Variants in SLC4A4 observed in about 807,000 individuals in gnomAD.
SLC4A4 encodes electrogenic sodium bicarbonate cotransporter 1.
A neutral mutation model predicts 111.5 loss-of-function variants in SLC4A4; 27 were observed. The observed-to-expected ratio is 0.24, with a 90% CI of 0.18 to 0.33. The LOEUF (loss-of-function observed/expected upper bound fraction) is 0.33. Among genes scored for constraint, SLC4A4 ranks in the 10% least tolerant of loss-of-function variants. SLC4A4 has a pLI of 1.00. For synonymous variants in SLC4A4, 443 were observed against 463.4 expected, an observed-to-expected ratio of 0.96 and a Z score of 0.57; for missense variants, 909 against 1,315.5, an observed-to-expected ratio of 0.69 and a Z score of 4.78.
intron 2 of SLC4A4, among the ~76,000 whole-genome samples, chr4:71,135,285 C>T (rs1322638047): frequency 7.0e-6 from 1 of 142,286 alleles, no homozygotes; most frequent in Non-Finnish European, 1.5e-5. Flanking sequence ...GTGGTAAGAA[C>T]ACAATCTACT....
chr4:71,327,912 A>G (rs995725957), intron 3 of SLC4A4, among the ~76,000 whole-genome samples: 1 of 151,960 alleles, frequency 6.6e-6, no homozygotes. Context: ...TGTGCTATCA[A>G]ATACTAGGCC....
chr4:71,552,385 A>C (rs531764511), intron 20 of SLC4A4, among the ~76,000 whole-genome samples: 12 of 151,846 alleles, frequency 7.9e-5, no homozygotes, highest in African/African-American at 2.4e-4. Context: ...ACATACACAC[A>C]CACACATACA....
chr4:71,184,750 C>A (rs542488919), upstream of SLC4A4, among the ~76,000 whole-genome samples: 1 of 152,036 alleles, frequency 6.6e-6, no homozygotes, highest in Non-Finnish European at 1.5e-5. Flanking sequence ...ATTGTTATCA[C>A]CCGGAAAAGC....
At chr4:71,122,264 G>A (rs1200770276) in intron 2 of SLC4A4, among the ~76,000 whole-genome samples, 1 of 141,708 alleles carries the variant, frequency 7.1e-6, no homozygotes, top group Non-Finnish European at 1.5e-5. Flanking sequence ...AGTGAGCCGA[G>A]ATCACGCCAC....
chr4:71,268,486 G>C (rs1553970844), intron 3 of SLC4A4, among the ~76,000 whole-genome samples: 2 of 152,116 alleles, frequency 1.3e-5, no homozygotes, highest in Non-Finnish European at 2.9e-5. Context: ...TTATACTTTG[G>C]TTTTGGTTTG....
At chr4:71,250,609 CTG>C (rs1720997211) in intron 2 of SLC4A4, among the ~76,000 whole-genome samples, 2 of 152,164 alleles carry the variant, frequency 1.3e-5, no homozygotes, top group African/African-American at 4.8e-5. Context: ...GGGAAAGTAA[CTG>C]TTGAAAAGTT....
At chr4:71,193,222 G>T (rs1333342862) in intron 1 of SLC4A4, among the ~76,000 whole-genome samples, 1 of 152,064 alleles carries the variant, frequency 6.6e-6, no homozygotes, top group Admixed American at 6.5e-5. Context: ...TGCGGTGGCC[G>T]GATCTCGGCT....
At chr4:71,230,088 C>T (rs569683642) in intron 1 of SLC4A4, among the ~76,000 whole-genome samples, 18 of 152,098 alleles carry the variant, frequency 1.2e-4, no homozygotes, top group African/African-American at 3.9e-4. Flanking sequence ...AAAAAAATCA[C>T]GTTTGCAAAT....
intron 5 of SLC4A4, among the ~76,000 whole-genome samples, chr4:71,356,503 A>T (rs958979521): frequency 6.6e-6 from 1 of 152,194 alleles, no homozygotes; most frequent in African/African-American, 2.4e-5. Flanking sequence ...TGGTGTTCAG[A>T]TGACCTGATA....
At chr4:71,557,672 G>T (rs1205680536) in intron 21 of SLC4A4, 40 bp from the exon 22 acceptor site, 1 of 1,586,616 alleles carries the variant, frequency 6.3e-7, no homozygotes. Context: ...GAAATGTAAT[G>T]CAGTAATGCA....
intron 3 of SLC4A4, among the ~76,000 whole-genome samples, chr4:71,332,198 C>T (rs906622927): frequency 1.3e-5 from 2 of 151,678 alleles, no homozygotes; most frequent in African/African-American, 4.8e-5. Context: ...TATTTTTCTT[C>T]CTTTACTAAT....
chr4:71,165,203 G>A (rs1011901564), intron 2 of SLC4A4, among the ~76,000 whole-genome samples: 1 of 152,196 alleles, frequency 6.6e-6, no homozygotes, highest in Non-Finnish European at 1.5e-5. Context: ...CCATTACTGG[G>A]TATATACCCA....
At chr4:71,453,694 C>T in intron 12 of SLC4A4, 25 bp downstream of exon 12, 1 of 1,612,024 alleles carries the variant, frequency 6.2e-7, no homozygotes, top group Non-Finnish European at 8.5e-7. Context: ...GAGGAGGACA[C>T]AAATAGTACA....
intron 2 of SLC4A4, among the ~76,000 whole-genome samples, chr4:71,159,916 A>G (rs536460388): frequency 1.3e-5 from 2 of 152,198 alleles, no homozygotes; most frequent in East Asian, 3.9e-4. Flanking sequence ...AGTATTCTAT[A>G]GTTTGATTTT....
intron 6 of SLC4A4, among the ~76,000 whole-genome samples, chr4:71,388,533 T>TATTATATTCATTCATTCATTC (rs61411324): frequency 9.2e-5 from 14 of 151,930 alleles, no homozygotes; most frequent in African/African-American, 2.9e-4. Flanking sequence ...TATTATATTA[T>TATTATATTCATTCATTCATTC]ATTCATTCAT....
intron 2 of SLC4A4, among the ~76,000 whole-genome samples, chr4:71,153,240 A>T (rs970293199): frequency 2.0e-5 from 3 of 151,376 alleles, no homozygotes; most frequent in Non-Finnish European, 4.4e-5. Flanking sequence ...TAGGCTTTAT[A>T]TTTTAAACAA....
chr4:71,553,521 C>A (rs1736214611), intron 20 of SLC4A4, among the ~76,000 whole-genome samples: 1 of 151,868 alleles, frequency 6.6e-6, no homozygotes, highest in African/African-American at 2.4e-5. Flanking sequence ...GGAATTCTAA[C>A]TAGTTTTCCA....
intron 2 of SLC4A4, among the ~76,000 whole-genome samples, chr4:71,095,024 T>C (rs1170829904): frequency 3.3e-5 from 5 of 152,228 alleles, no homozygotes; most frequent in African/African-American, 7.2e-5. Flanking sequence ...TAAAACCATA[T>C]GTGTTAGTTT....
At position 71,571,497 on chromosome 4, in the gene SLC4A4, C is replaced by T. The variant is rs918858692; in HGVS notation, c.*3746C>T. The T allele has an allele frequency of 4.6e-5, 7 of 152,170 alleles. No homozygotes were observed. Among genetic ancestry groups the T allele is most frequent in the South Asian group, 2.1e-4 (1 of 4,830 alleles). The allele number at this position is 152,170 out of a possible 1,614,324, so 9.4% of individuals were successfully genotyped here. A position where few individuals can be genotyped will look rare whatever the true frequency, so the allele number is the denominator to read the frequency against. On this transcript the variant is annotated 3_prime_UTR_variant, in exon 26 of 26. Coordinates refer to ENST00000264485, the MANE Select transcript of SLC4A4 (RefSeq NM_001098484.3). The stretch of plus-strand genomic sequence containing the variant: ...GAAATTTTAAAAAAGTTGTGTAATA[C>T]GCCAACCAGTCAAGTTGTGTTTTGG...
Sources: allele counts gnomAD v4.1 joint callset (sites outside exome capture counted in the v4.1 genomes callset), GRCh38; gene constraint gnomAD v4.1.1; transcripts MANE v1.5; gene names NCBI Gene and HGNC (gene_info 2026-07-23, HGNC 2026-07-21).